PACRG: variants seen among roughly 807,000 people sequenced by gnomAD.
PACRG encodes parkin coregulated, also known as parkin coregulated gene protein.
Under a neutral mutation model 29.7 loss-of-function variants are expected in PACRG, and 29 were observed. The ratio of observed to expected loss-of-function variants is 0.98; its 90% confidence interval spans 0.73 to 1.33. The LOEUF (loss-of-function observed/expected upper bound fraction) is 1.33. PACRG is among the 40% of genes most tolerant of loss of function. The pLI, the probability that PACRG is intolerant of heterozygous loss-of-function variation, is 0.00. For missense variants in PACRG, 279 were observed against 316.2 expected (o/e 0.88, Z 0.89); for synonymous variants, 116 against 118.7 (o/e 0.98, Z 0.15).
chr6:163,218,344 T>C (rs899316660), intron 4 of PACRG, among the ~76,000 whole-genome samples: 3 of 152,228 alleles, frequency 2.0e-5, no homozygotes, highest in African/African-American at 7.2e-5. Context: ...AGTTAATTTC[T>C]ATAATTATTC....
chr6:162,925,119 A>G lies in PACRG; in HGVS notation c.291+110838A>G, dbSNP rs1043742669. 2.6e-5 allele frequency among the ~76,000 whole-genome samples: 4 copies of G among 152,194 alleles called. No homozygotes were observed. In the South Asian group the frequency reaches 8.3e-4, roughly 31 times the overall value. ...CCCTCCCAAGACTAAACCAGGAAGA[A>G]GTAGGATCCTTGAATAGACCAATAA... On this transcript the variant is annotated intron_variant, in intron 2 of 4. Transcript: ENST00000366888.
intron 4 of PACRG, among the ~76,000 whole-genome samples, chr6:163,264,145 A>G (rs1783439032): frequency 6.6e-6 from 1 of 152,212 alleles, no homozygotes; most frequent in African/African-American, 2.4e-5. Context: ...CTCAACTCCT[A>G]CTGTTAGATC....
chr6:163,139,080 A>G (rs976114918), intron 4 of PACRG, among the ~76,000 whole-genome samples: 2 of 152,186 alleles, frequency 1.3e-5, no homozygotes, highest in African/African-American at 4.8e-5. Context: ...GTGTTCTCTC[A>G]CAGTTCTGAA....
At chr6:163,076,304 A>G (rs1325815089) in intron 3 of PACRG, among the ~76,000 whole-genome samples, 2 of 152,154 alleles carry the variant, frequency 1.3e-5, no homozygotes, top group African/African-American at 4.8e-5. Flanking sequence ...TAATTCTAAG[A>G]GGTCAGCTAA....
At chr6:163,268,274 C>T (rs183140228) in intron 4 of PACRG, among the ~76,000 whole-genome samples, 3,209 of 151,792 alleles carry the variant, frequency 0.021, 111 homozygotes, top group African/African-American at 0.073. Flanking sequence ...TGGTGGCGGG[C>T]GCCTGTAGTC....
At chr6:162,825,322 T>C (rs1788184261) in intron 2 of PACRG, among the ~76,000 whole-genome samples, 1 of 152,240 alleles carries the variant, frequency 6.6e-6, no homozygotes, top group African/African-American at 2.4e-5. Flanking sequence ...TCTGGAGTCA[T>C]GATTAAATAC....
chr6:162,777,877 C>CTCCTTCCTTCTT lies in PACRG; in HGVS notation c.157-36255_157-36244dup, dbSNP rs545293851. 1.3e-5 allele frequency among the ~76,000 whole-genome samples: 2 copies of CTCCTTCCTTCTT among 151,858 alleles called. No homozygotes were observed. The highest frequency in any genetic ancestry group is 2.9e-5 in the Non-Finnish European group (2 of 67,954). On this transcript the variant is annotated intron_variant, in intron 1 of 4. Transcript: ENST00000366888. The surrounding 1 kb of genome is among the most constrained non-coding windows in gnomAD (Gnocchi z 4.0). ...CTTCTTTCTTTCCTTCCTTCCCACCCTCCTTCCTTCTTTCCTTCCTTCTTT... is the reference window on the plus strand; with the variant it reads ...CTTCTTTCTTTCCTTCCTTCCCACCCTCCTTCCTTCTTTCCTTCCTTCTTTCCTTCCTTCTTT...
chr6:162,864,816 T>C (rs1792157585), intron 2 of PACRG, among the ~76,000 whole-genome samples: 1 of 152,198 alleles, frequency 6.6e-6, no homozygotes, highest in African/African-American at 2.4e-5. Context: ...CTTGACTGAG[T>C]ACTGACTACA....
At chr6:162,885,609 G>C (rs916567583) in intron 2 of PACRG, among the ~76,000 whole-genome samples, 3 of 152,236 alleles carry the variant, frequency 2.0e-5, no homozygotes, top group Admixed American at 2.0e-4. Flanking sequence ...GTATAAAACT[G>C]AATTATGTAT....
At chr6:163,121,017 A>T (rs11961231) in intron 4 of PACRG, among the ~76,000 whole-genome samples, 35,285 of 152,176 alleles carry the variant, frequency 0.23, 6,768 homozygotes, top group African/African-American at 0.53. Flanking sequence ...TCAAGAGCTA[A>T]TAGATATACT....
At chr6:163,262,526 C>CT (rs35264261) in intron 4 of PACRG, among the ~76,000 whole-genome samples, 57 of 148,750 alleles carry the variant, frequency 3.8e-4, no homozygotes, top group East Asian at 7.9e-4. Context: ...AACATGATCT[C>CT]TTTTTTTTTT....
intron 4 of PACRG, among the ~76,000 whole-genome samples, chr6:163,264,302 C>T (rs1783445640): frequency 6.6e-6 from 1 of 152,216 alleles, no homozygotes; most frequent in Admixed American, 6.5e-5. Context: ...TCACAGTACA[C>T]TTTCTGCATC....
At chr6:162,817,718 C>CCA (rs1787481233) in intron 2 of PACRG, among the ~76,000 whole-genome samples, 1 of 152,140 alleles carries the variant, frequency 6.6e-6, no homozygotes, top group Admixed American at 6.5e-5. Flanking sequence ...GACCATGCAG[C>CCA]TACAGATTAA....
intron 2 of PACRG, among the ~76,000 whole-genome samples, chr6:162,944,204 A>T (rs1798836950): frequency 6.6e-6 from 1 of 152,170 alleles, no homozygotes; most frequent in African/African-American, 2.4e-5. Context: ...AATTACAGAT[A>T]CCACTGATGC....
At chr6:163,114,254 A>C (rs1482060073) in intron 4 of PACRG, among the ~76,000 whole-genome samples, 2 of 151,418 alleles carry the variant, frequency 1.3e-5, no homozygotes, top group Non-Finnish European at 2.9e-5. Flanking sequence ...CTGTCTCAAA[A>C]ACAACAACAA....
chr6:163,068,692 C>T (rs577394493), intron 3 of PACRG, among the ~76,000 whole-genome samples: 4 of 152,094 alleles, frequency 2.6e-5, no homozygotes, highest in East Asian at 1.9e-4. Flanking sequence ...CCTACTCTGT[C>T]GCTTAGTTCT....
At chr6:162,903,983 C>T (rs1205856706) in intron 2 of PACRG, among the ~76,000 whole-genome samples, 1 of 152,140 alleles carries the variant, frequency 6.6e-6, no homozygotes, top group East Asian at 1.9e-4. Flanking sequence ...ATCCACAGGG[C>T]AGGCCAGCAG....
At position 163,008,391 on chromosome 6, in the gene PACRG, C is replaced by G. The variant is rs866766477; in HGVS notation, c.292-53759C>G. ...ATTGACTCTGAATTTGTAAACGAGG[C>G]ACACATCCAAATCCATGTGGGATCT... On this transcript the variant is annotated intron_variant, in intron 2 of 4. Coordinates refer to ENST00000366888, the MANE Select transcript of PACRG (RefSeq NM_001080379.2). Among the ~76,000 whole-genome samples the G allele has an allele frequency of 1.1e-4, 17 of 152,136 alleles. No individual in the cohort carries two copies. The South Asian group carries it at 1.2e-3, about 11-fold the overall frequency.
At chr6:163,250,544 A>T (rs1782862235) in intron 4 of PACRG, among the ~76,000 whole-genome samples, 1 of 152,224 alleles carries the variant, frequency 6.6e-6, no homozygotes, top group Non-Finnish European at 1.5e-5. Flanking sequence ...TTCAAGGTAA[A>T]CGATCATATC....
Sources: allele counts gnomAD v4.1 joint callset (sites outside exome capture counted in the v4.1 genomes callset), GRCh38; gene constraint gnomAD v4.1.1; non-coding constraint Gnocchi (gnomAD v3.1); transcripts MANE v1.5; gene names NCBI Gene and HGNC (gene_info 2026-07-23, HGNC 2026-07-21).